Variants in ADRA1B observed in about 807,000 individuals in gnomAD.
ADRA1B encodes alpha-1B adrenergic receptor.
A neutral mutation model predicts 17.9 loss-of-function variants in ADRA1B; 17 were observed. The observed-to-expected ratio is 0.95, with a 90% CI of 0.65 to 1.42. The LOEUF (loss-of-function observed/expected upper bound fraction) is 1.42. ADRA1B is among the 40% of genes most tolerant of loss of function. The pLI is 0.00. For synonymous variants in ADRA1B, 366 were observed against 327.6 expected (o/e 1.12, Z -1.27); for missense variants, 681 against 722.1 (o/e 0.94, Z 0.65).
At chr5:159,954,203 C>T (rs1380467935) in intron 1 of ADRA1B, among the ~76,000 whole-genome samples, 1 of 152,178 alleles carries the variant, frequency 6.6e-6, no homozygotes, top group Non-Finnish European at 1.5e-5. Context: ...AACAAGGTAC[C>T]TTAGACCAGG....
chr5:159,871,523 T>C (rs895834079), intron 1 of ADRA1B: 1 of 152,246 alleles, frequency 6.6e-6, no homozygotes, highest in African/African-American at 2.4e-5. Context: ...TCTAATTCCT[T>C]GGCTTGCAGC....
At chr5:159,929,835 T>C (rs1178911317) in intron 1 of ADRA1B, among the ~76,000 whole-genome samples, 1 of 152,208 alleles carries the variant, frequency 6.6e-6, no homozygotes, top group African/African-American at 2.4e-5. Context: ...AAGTAAACAT[T>C]GTTACCAGAT....
chr5:159,904,593 G>A (rs928648180), intron 1 of ADRA1B, among the ~76,000 whole-genome samples: 14 of 152,166 alleles, frequency 9.2e-5, no homozygotes, highest in Non-Finnish European at 1.6e-4. Context: ...TCCCTTAGAC[G>A]GAAGAAGGAT....
chr5:159,942,124 G>A (rs567429301), intron 1 of ADRA1B, among the ~76,000 whole-genome samples: 1 of 152,004 alleles, frequency 6.6e-6, no homozygotes, highest in East Asian at 1.9e-4. Context: ...GGGTTTCACG[G>A]TGTTAGCCAG....
intron 1 of ADRA1B, among the ~76,000 whole-genome samples, chr5:159,873,070 C>T (rs1188144263): frequency 2.0e-5 from 3 of 152,094 alleles, no homozygotes; most frequent in Non-Finnish European, 2.9e-5. Flanking sequence ...ATGATGGTTT[C>T]TAGCTTCATC....
chr5:159,904,435 A>G (rs989594256), intron 1 of ADRA1B, among the ~76,000 whole-genome samples: 7 of 152,220 alleles, frequency 4.6e-5, no homozygotes, highest in African/African-American at 1.4e-4. Context: ...GTTGTTCCCA[A>G]AAAGAAATTA....
intron 1 of ADRA1B, among the ~76,000 whole-genome samples, chr5:159,942,202 G>T (rs1387742801): frequency 6.6e-6 from 1 of 152,138 alleles, no homozygotes; most frequent in African/African-American, 2.4e-5. Flanking sequence ...GATTACAGGC[G>T]TGAGCCGCCA....
intron 1 of ADRA1B, chr5:159,869,999 A>G (rs532456529): frequency 6.6e-6 from 1 of 152,324 alleles, no homozygotes; most frequent in Admixed American, 6.5e-5. Context: ...ACAGACATCA[A>G]TCCTACGTTT....
At chr5:159,974,134 A>G (rs1282722752), downstream of ADRA1B, among the ~76,000 whole-genome samples, 2 of 152,120 alleles carry the variant, frequency 1.3e-5, no homozygotes, top group East Asian at 3.9e-4. Context: ...GGTGTCAGGT[A>G]TGGCTGGATC....
chr5:159,886,284 A>C (rs1030546292), intron 1 of ADRA1B, among the ~76,000 whole-genome samples: 1 of 152,134 alleles, frequency 6.6e-6, no homozygotes, highest in Admixed American at 6.6e-5. Context: ...GTCTATGCTC[A>C]TCTCCCTTCC....
intron 1 of ADRA1B, among the ~76,000 whole-genome samples, chr5:159,961,808 T>G (rs1217749099): frequency 6.6e-6 from 1 of 152,222 alleles, no homozygotes; most frequent in Non-Finnish European, 1.5e-5. Flanking sequence ...AGAGGGATGT[T>G]AGAAACCACC....
chr5:159,988,667 T>C, the ADRA1B span, among the ~76,000 whole-genome samples: 1 of 152,104 alleles, frequency 6.6e-6, no homozygotes, highest in Non-Finnish European at 1.5e-5. Flanking sequence ...CAGAACTAGT[T>C]AGGGAGATAA....
chr5:159,977,528 T>G (rs1380206754), downstream of ADRA1B, among the ~76,000 whole-genome samples: 1 of 152,070 alleles, frequency 6.6e-6, no homozygotes, highest in Non-Finnish European at 1.5e-5. Flanking sequence ...CCCCCAAGAT[T>G]GGTTGGATTT....
chr5:159,900,434 C>T (rs376765268), intron 1 of ADRA1B, among the ~76,000 whole-genome samples: 3 of 152,184 alleles, frequency 2.0e-5, no homozygotes, highest in African/African-American at 4.8e-5. Flanking sequence ...AGGTCTTGTA[C>T]GTTCCTTGTT....
At chr5:159,938,651 C>CATT (rs1755020879) in intron 1 of ADRA1B, among the ~76,000 whole-genome samples, 2 of 152,202 alleles carry the variant, frequency 1.3e-5, no homozygotes, top group Non-Finnish European at 2.9e-5. Flanking sequence ...GGTCATTTGC[C>CATT]AGCATTTAAT....
At chr5:159,874,049 A>T (rs1753777669) in intron 1 of ADRA1B, among the ~76,000 whole-genome samples, 1 of 152,126 alleles carries the variant, frequency 6.6e-6, no homozygotes, top group African/African-American at 2.4e-5. Context: ...AACACAACCT[A>T]ACATTCTGTA....
intron 1 of ADRA1B, among the ~76,000 whole-genome samples, chr5:159,937,481 C>T (rs1169275641): frequency 3.3e-5 from 5 of 151,194 alleles, no homozygotes; most frequent in Non-Finnish European, 2.9e-5. Context: ...TCAGGAGTCT[C>T]ACCATGTTGC....
At chr5:159,878,647 A>G (rs772779070) in intron 1 of ADRA1B, among the ~76,000 whole-genome samples, 3 of 152,146 alleles carry the variant, frequency 2.0e-5, no homozygotes, top group Non-Finnish European at 4.4e-5. Context: ...TCTCCATTTT[A>G]CAAGTAAGCA....
At chr5:159,924,976 C>A (rs1305886994) in intron 1 of ADRA1B, among the ~76,000 whole-genome samples, 3 of 152,164 alleles carry the variant, frequency 2.0e-5, no homozygotes, top group African/African-American at 7.2e-5. Flanking sequence ...TTATACCTGT[C>A]CACAGGATTG....
Sources: gnomAD v4.1 joint callset for allele counts (sites outside exome capture counted in the v4.1 genomes callset) on GRCh38, gnomAD v4.1.1 for gene constraint, MANE v1.5 for transcripts, NCBI Gene and HGNC (gene_info 2026-07-23, HGNC 2026-07-21) for gene names.